TRIM16: variants seen among roughly 807,000 people sequenced by gnomAD.
TRIM16 encodes the protein tripartite motif-containing protein 16.
In TRIM16, 33 loss-of-function variants were observed where a neutral mutation model predicts 50.4. The observed-to-expected ratio is 0.65, with a 90% CI of 0.50 to 0.88. TRIM16 has a LOEUF of 0.88. Ranked by LOEUF, TRIM16 falls within the 40% of genes least tolerant of loss-of-function variation. The pLI, the probability that TRIM16 is intolerant of heterozygous loss-of-function variation, is 0.00. For synonymous variants in TRIM16, 229 were observed against 270.7 expected, an observed-to-expected ratio of 0.85 and a Z score of 1.51; for missense variants, 581 against 686.8, an observed-to-expected ratio of 0.85 and a Z score of 1.72.
Position 15,651,519 on chromosome 17 carries a change from T to A in TRIM16, c.91A>T (p.Ser31Cys), listed in dbSNP as rs1987705472. The stretch of plus-strand genomic sequence containing the variant: ...GGGCTGGCTGACCCAGAATCTGGGC[T>A]GGGTGACCCAGAGTCTGGGCTGAGA... The part of the protein sequence containing the change: ...APLSPDSGSP[S>C]PDSGSASPVE... The change falls in exon 7 of 12, where the codon AGC (serine) becomes TGC (cysteine). Residue 31 changes from serine to cysteine, a missense_variant. Transcript: ENST00000649191. The A allele has an allele frequency of 6.2e-7, 1 of 1,613,356 alleles. No homozygotes were observed. The highest frequency in any genetic ancestry group is 8.5e-7 in the Non-Finnish European group (1 of 1,179,662).
intron 8 of TRIM16, among the ~76,000 whole-genome samples, chr17:15,640,207 G>A (rs1309785113): frequency 6.7e-6 from 1 of 148,576 alleles, no homozygotes; most frequent in Non-Finnish European, 1.5e-5. Flanking sequence ...GGATCCATGT[G>A]CCTGCAGTAT....
At chr17:15,638,426 C>T (rs1986954971) in intron 8 of TRIM16, among the ~76,000 whole-genome samples, 1 of 148,302 alleles carries the variant, frequency 6.7e-6, no homozygotes, top group South Asian at 2.2e-4. Flanking sequence ...CAAAAATTAG[C>T]CGGGTGTGGT....
chr17:15,649,494 G>C (rs1987579635), intron 7 of TRIM16, among the ~76,000 whole-genome samples: 1 of 152,068 alleles, frequency 6.6e-6, no homozygotes, highest in African/African-American at 2.4e-5. Flanking sequence ...CACCGTGTTA[G>C]CCAGGATGGT....
chr17:15,670,599 T>C (rs1245172259), intron 6 of TRIM16, among the ~76,000 whole-genome samples: 2 of 152,154 alleles, frequency 1.3e-5, no homozygotes, highest in Non-Finnish European at 2.9e-5. Flanking sequence ...ACTTGCAAAA[T>C]AAAAGGCCCA....
chr17:15,631,864 C>T, intron 10 of TRIM16, 150 bp from the exon 11 acceptor site: 1 of 679,416 alleles, frequency 1.5e-6, no homozygotes, highest in Non-Finnish European at 2.6e-6. Context: ...GCTCAATAGA[C>T]TACATTTCTT....
chr17:15,634,548 T>C (rs1484247102), intron 9 of TRIM16, among the ~76,000 whole-genome samples: 1 of 137,630 alleles, frequency 7.3e-6, no homozygotes, highest in Admixed American at 7.1e-5. Flanking sequence ...GGAGAATCGC[T>C]TGAACCCGGG....
Position 15,651,932 on chromosome 17 carries a change from GTC to G in TRIM16, c.-325_-324del, listed in dbSNP as rs1987730694. 7.9e-7 allele frequency: 1 copy of G among 1,272,158 alleles called. No individual in the cohort carries two copies. Among genetic ancestry groups the G allele is most frequent in the Admixed American group, 3.8e-5 (1 of 26,642 alleles). 78.8% of individuals were successfully genotyped at this position (1,272,158 alleles called of 1,614,324 possible). The stretch of plus-strand genomic sequence containing the variant: ...CCATAGGCTCTGCTGAAGACCACGT[GTC>G]TCTGTGCCTGCTCTGGAAAGGACAG... On this transcript the variant is annotated 5_prime_UTR_variant, in exon 7 of 12. The change creates a premature stop within an existing upstream ORF in the 5' untranslated region. Coordinates refer to ENST00000649191, the MANE Select transcript of TRIM16 (RefSeq NM_001348119.1).
chr17:15,648,819 G>GTA (rs1343901865), intron 7 of TRIM16, among the ~76,000 whole-genome samples: 2 of 152,190 alleles, frequency 1.3e-5, no homozygotes, highest in African/African-American at 4.8e-5. Context: ...CACTTACAGA[G>GTA]TAAACTTGCT....
intron 6 of TRIM16, among the ~76,000 whole-genome samples, chr17:15,672,577 C>A (rs1248664953): frequency 1.3e-5 from 2 of 152,092 alleles, no homozygotes; most frequent in African/African-American, 4.8e-5. Flanking sequence ...ACAAAAAATA[C>A]AAACAAATTA....
chr17:15,653,016 A>G (rs1210799601), intron 6 of TRIM16, among the ~76,000 whole-genome samples: 2 of 152,146 alleles, frequency 1.3e-5, no homozygotes, highest in Non-Finnish European at 2.9e-5. Flanking sequence ...TTGATCCCCA[A>G]TACTGGAGGT....
At chr17:15,646,648 G>A (rs1259361911) in intron 7 of TRIM16, among the ~76,000 whole-genome samples, 1 of 146,872 alleles carries the variant, frequency 6.8e-6, no homozygotes, top group Non-Finnish European at 1.5e-5. Context: ...CACAAAGAGT[G>A]GCAGCCAGGT....
intron 6 of TRIM16, among the ~76,000 whole-genome samples, chr17:15,667,700 T>A (rs1225388374): frequency 8.5e-5 from 13 of 152,278 alleles, no homozygotes; most frequent in Non-Finnish European, 1.0e-4. Context: ...TAGATCAAAC[T>A]CTTTTTTAAA....
intron 3 of TRIM16, among the ~76,000 whole-genome samples, chr17:15,682,088 A>G (rs1047718461): frequency 2.5e-4 from 38 of 152,320 alleles, no homozygotes; most frequent in Non-Finnish European, 1.0e-4. Context: ...CGTTGCTACA[A>G]TGTGTGTTAA....
intron 7 of TRIM16, among the ~76,000 whole-genome samples, chr17:15,648,872 G>C (rs998075574): frequency 6.6e-6 from 1 of 152,202 alleles, no homozygotes; most frequent in African/African-American, 2.4e-5. Flanking sequence ...ACACAGAAAG[G>C]ACAAGAGCTC....
chr17:15,628,345 C>T lies in TRIM16; in HGVS notation c.*270G>A, dbSNP rs1168346426. On this transcript the variant is annotated 3_prime_UTR_variant, in exon 12 of 12. Transcript: ENST00000649191. ...AATTGCTTGAACTCGGGAGGCGGAG[C>T]TTGCAGTGAGCCAAGATCGCGCCAC... 2 of 324,538 alleles carry T rather than the reference C, an allele frequency of 6.2e-6. No homozygotes were observed. The highest frequency in any genetic ancestry group is 5.6e-6 in the Non-Finnish European group (1 of 179,890). The allele number at this position is 324,538 out of a possible 1,614,324, so 20.1% of individuals were successfully genotyped here.
intron 6 of TRIM16, among the ~76,000 whole-genome samples, chr17:15,663,734 G>C (rs1988350271): frequency 6.6e-6 from 1 of 152,160 alleles, no homozygotes; most frequent in Admixed American, 6.5e-5. Context: ...ACAGCTTGGG[G>C]TCCAAAACTG....
intron 5 of TRIM16, 68 bp downstream of exon 5, chr17:15,677,507 G>A (rs990006374): frequency 1.7e-5 from 17 of 1,005,718 alleles, no homozygotes; most frequent in Non-Finnish European, 1.8e-5. Context: ...CCTAATAGAA[G>A]CAAGGGAATC....
intron 7 of TRIM16, among the ~76,000 whole-genome samples, chr17:15,650,831 G>A (rs1457936780): frequency 6.6e-6 from 1 of 152,170 alleles, no homozygotes. Context: ...CTAGCAAGAA[G>A]GAGGAGAGAC....
chr17:15,635,070 A>AT (rs938386582), intron 9 of TRIM16, among the ~76,000 whole-genome samples: 3 of 147,382 alleles, frequency 2.0e-5, no homozygotes, highest in Admixed American at 6.7e-5. Flanking sequence ...AGGATTATGG[A>AT]TTTTTTTTCT....
Sources: gnomAD v4.1 joint callset for allele counts (sites outside exome capture counted in the v4.1 genomes callset) on GRCh38, gnomAD v4.1.1 for gene constraint, MANE v1.5 for transcripts, NCBI Gene and HGNC (gene_info 2026-07-23, HGNC 2026-07-21) for gene names.